TLE1: variants seen among roughly 807,000 people sequenced by gnomAD.
TLE1 encodes transducin-like enhancer protein 1.
A neutral mutation model predicts 89.8 loss-of-function variants in TLE1; 21 were observed. The observed-to-expected ratio is 0.23, with a 90% CI of 0.17 to 0.34. The LOEUF (loss-of-function observed/expected upper bound fraction) is 0.34. Among genes scored for constraint, TLE1 ranks in the 10% least tolerant of loss-of-function variants. TLE1 has a pLI of 1.00. For missense variants in TLE1, 795 were observed against 1,031.2 expected (o/e 0.77, Z 3.14); for synonymous variants, 447 against 407.6 (o/e 1.10, Z -1.16).
At chr9:81,616,193 T>C (rs1587981225) in intron 10 of TLE1, 59 bp from the exon 11 acceptor site, 1 of 1,546,738 alleles carries the variant, frequency 6.5e-7, no homozygotes, top group Non-Finnish European at 8.7e-7. Context: ...GACTTTTCCC[T>C]TTCCACACTC....
intron 8 of TLE1, among the ~76,000 whole-genome samples, chr9:81,626,233 G>GT (rs1825891496): frequency 6.6e-6 from 1 of 152,000 alleles, no homozygotes; most frequent in South Asian, 2.1e-4. Context: ...TTGGAAACTC[G>GT]TGACACCTCA....
chr9:81,631,578 G>A (rs1826610973), intron 8 of TLE1, among the ~76,000 whole-genome samples: 1 of 152,210 alleles, frequency 6.6e-6, no homozygotes, highest in South Asian at 2.1e-4. Flanking sequence ...AATTGCAGAT[G>A]CGTGTCCCAT....
At chr9:81,609,068 T>C (rs1288644139) in intron 14 of TLE1, among the ~76,000 whole-genome samples, 19 of 150,268 alleles carry the variant, frequency 1.3e-4, no homozygotes, top group Non-Finnish European at 2.8e-4. Context: ...TCCCCTCCCC[T>C]TTCCTCTCCT....
chr9:81,654,110 A>G, intron 4 of TLE1, 74 bp from the exon 5 acceptor site: 2 of 1,366,592 alleles, frequency 1.5e-6, no homozygotes, highest in Non-Finnish European at 2.1e-6. Flanking sequence ...TCATACCCCT[A>G]ACACTTCAGT....
chr9:81,626,967 C>G (rs1825979600), intron 8 of TLE1, among the ~76,000 whole-genome samples: 1 of 152,208 alleles, frequency 6.6e-6, no homozygotes, highest in Non-Finnish European at 1.5e-5. Context: ...ATCTCTATGT[C>G]AAAGCTTTTT....
intron 14 of TLE1, chr9:81,600,134 A>G: frequency 1.4e-6 from 1 of 731,536 alleles, no homozygotes; most frequent in Admixed American, 2.0e-5. Context: ...GGACAAAGAT[A>G]CAAATGGAGA....
intron 8 of TLE1, among the ~76,000 whole-genome samples, chr9:81,629,444 C>T (rs931444641): frequency 6.6e-6 from 1 of 152,078 alleles, no homozygotes; most frequent in Admixed American, 6.5e-5. Flanking sequence ...TTTAAAACAG[C>T]CAAAATAATT....
intron 13 of TLE1, among the ~76,000 whole-genome samples, chr9:81,611,075 A>G (rs569745054): frequency 1.3e-5 from 2 of 152,216 alleles, no homozygotes; most frequent in Non-Finnish European, 2.9e-5. Flanking sequence ...TTTTTCAAAC[A>G]GCCAAGAGAA....
chr9:81,630,828 T>C (rs796820926), intron 8 of TLE1, among the ~76,000 whole-genome samples: 10 of 152,348 alleles, frequency 6.6e-5, no homozygotes, highest in African/African-American at 2.4e-4. Context: ...TTCATACTCA[T>C]TTTTATACAA....
At chr9:81,639,583 TTTTTG>T (rs1827842746) in intron 6 of TLE1, among the ~76,000 whole-genome samples, 1 of 148,452 alleles carries the variant, frequency 6.7e-6, no homozygotes. Context: ...TTGTTTTTTT[TTTTTG>T]TTTTTTTTTT....
At chr9:81,623,738 A>G (rs1825576941) in intron 8 of TLE1, among the ~76,000 whole-genome samples, 1 of 151,960 alleles carries the variant, frequency 6.6e-6, no homozygotes, top group African/African-American at 2.4e-5. Flanking sequence ...TGCAATGAGC[A>G]GAGATCGTGC....
At chr9:81,680,564 T>C (rs1833484798) in intron 4 of TLE1, among the ~76,000 whole-genome samples, 1 of 152,118 alleles carries the variant, frequency 6.6e-6, no homozygotes, top group East Asian at 1.9e-4. Flanking sequence ...CCAGTGCAAG[T>C]CCAGGACAAA....
chr9:81,586,612 G>C lies in TLE1; in HGVS notation c.1978-957C>G, dbSNP rs192514741. On this transcript the variant is annotated intron_variant, in intron 17 of 19. Transcript: ENST00000376499. ...TTATGGATACAATGATATGCTGCTA[G>C]AGTTTATTTTAAAATAATCCAGTGT... Among the ~76,000 whole-genome samples, 690 of 152,322 alleles carry C rather than the reference G, an allele frequency of 4.5e-3. 12 individuals are homozygous for C. Among genetic ancestry groups the C allele is most frequent in the Admixed American group, 0.025 (383 of 15,296 alleles).
intron 8 of TLE1, among the ~76,000 whole-genome samples, chr9:81,625,464 CCCTGTGGTAGCTCAATGG>C (rs1352372693): frequency 6.6e-6 from 1 of 152,208 alleles, no homozygotes; most frequent in East Asian, 1.9e-4. Flanking sequence ...CAGGATCTTT[CCCTGTGGTAGCTCAATGG>C]CCTGAAGGTA....
chr9:81,662,502 C>T (rs1830941788), intron 4 of TLE1, among the ~76,000 whole-genome samples: 3 of 151,574 alleles, frequency 2.0e-5, no homozygotes, highest in Admixed American at 1.3e-4. Context: ...TCGAGACCAT[C>T]CTGGCCAACA....
chr9:81,621,109 T>G (rs1396930400), intron 8 of TLE1, among the ~76,000 whole-genome samples: 1 of 152,212 alleles, frequency 6.6e-6, no homozygotes, highest in Non-Finnish European at 1.5e-5. Context: ...GACTTGGTGT[T>G]CCTCGCCAAT....
chr9:81,620,603 T>C (rs989189711), intron 8 of TLE1, 46 bp from the exon 9 acceptor site: 3 of 1,591,098 alleles, frequency 1.9e-6, no homozygotes, highest in Non-Finnish European at 2.6e-6. Flanking sequence ...CAAGCCTCTT[T>C]GTACACATGA....
intron 6 of TLE1, among the ~76,000 whole-genome samples, chr9:81,639,468 G>A (rs1286985674): frequency 1.3e-5 from 2 of 152,006 alleles, no homozygotes; most frequent in Non-Finnish European, 2.9e-5. Context: ...TTCTATCTAG[G>A]CATTAGTTTA....
At chr9:81,638,225 C>T (rs1827655845) in intron 6 of TLE1, among the ~76,000 whole-genome samples, 1 of 152,210 alleles carries the variant, frequency 6.6e-6, no homozygotes, top group South Asian at 2.1e-4. Context: ...GCCTGTCCTA[C>T]ATCTGCAAAA....
Sources: allele counts gnomAD v4.1 joint callset (sites outside exome capture counted in the v4.1 genomes callset), GRCh38; gene constraint gnomAD v4.1.1; transcripts MANE v1.5; gene names NCBI Gene and HGNC (gene_info 2026-07-23, HGNC 2026-07-21).